CNGA4: variants seen among roughly 807,000 people sequenced by gnomAD.
CNGA4 encodes the protein cyclic nucleotide-gated channel alpha-4.
A neutral mutation model predicts 45.6 loss-of-function variants in CNGA4; 32 were observed. That is an observed-to-expected ratio of 0.70 (90% CI 0.53 to 0.94). The LOEUF is 0.94. CNGA4 is among the 40% of genes least tolerant of loss of function. CNGA4 has a pLI of 0.00. For missense variants in CNGA4, 726 were observed against 755.1 expected, an observed-to-expected ratio of 0.96 and a Z score of 0.45; for synonymous variants, 293 against 304.6, an observed-to-expected ratio of 0.96 and a Z score of 0.40.
At position 6,239,212 on chromosome 11, in the gene CNGA4, C is replaced by T; in HGVS notation, c.6C>T (p.Ser2=). 2 of 1,613,590 alleles carry T rather than the reference C, an allele frequency of 1.2e-6. No homozygotes were observed. Among genetic ancestry groups the T allele is most frequent in the Non-Finnish European group, 1.7e-6 (2 of 1,180,008 alleles). ...CAGCACCAGACCACAGAACCATGAGCCAGGACACCAAAGTGAAGACAACAG... is the reference window on the plus strand; with the variant it reads ...CAGCACCAGACCACAGAACCATGAGTCAGGACACCAAAGTGAAGACAACAG... M[S]QDTKVKTTES... Residue 2 remains serine (S), a synonymous_variant, in exon 1 of 6, where the codon AGC becomes AGT. Coordinates refer to ENST00000379936, the MANE Select transcript of CNGA4 (RefSeq NM_001037329.4).
rs1370916341 is a variant in CNGA4, at chr11:6,241,433, A to G, written c.920A>G (p.Tyr307Cys). Residue 307 changes from tyrosine (Y) to cysteine (C), a missense_variant and splice_region_variant, in exon 5 of 6, where the codon TAT (tyrosine) becomes TGT (cysteine). Tyr to Cys is a radical substitution (Grantham distance 194). Transcript: ENST00000379936. The part of the protein sequence containing the change: ...RKLERRVIDW[Y>C]QHLQINKKMT... ...AATGGCACTGTCCTTACTCTCAGGT[A>G]TCAGCACCTGCAGATCAACAAGAAG... The G allele has an allele frequency of 1.3e-6, 2 of 1,574,470 alleles. No individual in the cohort carries two copies. Among genetic ancestry groups the G allele is most frequent in the Admixed American group, 1.7e-5 (1 of 57,690 alleles).
At position 6,240,620 on chromosome 11, in the gene CNGA4, G is replaced by C; in HGVS notation, c.826G>C (p.Asp276His). The C allele has an allele frequency of 3.7e-6, 6 of 1,614,244 alleles. No individual in the cohort carries two copies. Among genetic ancestry groups the C allele is most frequent in the Non-Finnish European group, 5.1e-6 (6 of 1,180,056 alleles). The change falls in exon 4 of 6, where the codon GAT becomes CAT. Residue 276 changes from aspartate to histidine, a missense_variant. Coordinates refer to ENST00000379936, the MANE Select transcript of CNGA4 (RefSeq NM_001037329.4). This position sits in a 1 kb window ranked among gnomAD's most constrained non-coding sequence, Gnocchi z 4.9. ...SSVIYNMNTA[D>H]AAFYPDHALV... ...TGTCATCTACAACATGAACACTGCA[G>C]ATGCGGCTTTCTACCCAGATCATGC...
In CNGA4 at chr11:6,240,203, C is replaced by A; in HGVS notation, c.409C>A (p.Pro137Thr). The A allele has an allele frequency of 6.2e-7, 1 of 1,614,236 alleles. No homozygotes were observed. The highest frequency in any genetic ancestry group is 8.5e-7 in the Non-Finnish European group (1 of 1,180,048). Residue 137 changes from proline to threonine, a missense_variant, in exon 4 of 6, where the codon CCC becomes ACC. Pro to Thr is a conservative substitution (Grantham distance 38, BLOSUM62 -1). Coordinates refer to ENST00000379936, the MANE Select transcript of CNGA4 (RefSeq NM_001037329.4). This position sits in a 1 kb window ranked among gnomAD's most constrained non-coding sequence, Gnocchi z 4.9. ...CTACGTGCGGCTGGGCCCGCACACA[C>A]CCACCCTGAGGCTGAACCGCTTTCT... Reference protein sequence around the residue: ...VVYVRLGPHTPTLRLNRFLRA... With the variant: ...VVYVRLGPHTTTLRLNRFLRA...
chr11:6,242,355 C>T (rs1165420937), intron 5 of CNGA4, among the ~76,000 whole-genome samples: 1 of 152,066 alleles, frequency 6.6e-6, no homozygotes, highest in African/African-American at 2.4e-5. Context: ...CTGACCATCA[C>T]CTCTAGGCCA....
chr11:6,241,419 C>T lies in CNGA4; in HGVS notation c.918-12C>T, dbSNP rs752061904. Reference sequence around the variant, plus strand: ...AGGGCTGGTAAGGAAATGGCACTGTCCTTACTCTCAGGTATCAGCACCTGC... The same window carrying T: ...AGGGCTGGTAAGGAAATGGCACTGTTCTTACTCTCAGGTATCAGCACCTGC... On this transcript the variant is annotated splice_polypyrimidine_tract_variant and intron_variant, in intron 4 of 5. Coordinates refer to ENST00000379936, the MANE Select transcript of CNGA4 (RefSeq NM_001037329.4). 6.4e-7 allele frequency: 1 copy of T among 1,564,592 alleles called. No homozygotes were observed.
upstream of CNGA4, among the ~76,000 whole-genome samples, chr11:6,236,191 T>C (rs912855674): frequency 2.0e-5 from 3 of 152,146 alleles, no homozygotes; most frequent in Non-Finnish European, 4.4e-5. Context: ...ATGGACAGCA[T>C]GTGGGAGGTG....
At chr11:6,244,585 TACACACACACACACACACACACAC>T (rs59621297), downstream of CNGA4, among the ~76,000 whole-genome samples, 2 of 141,910 alleles carry the variant, frequency 1.4e-5, no homozygotes, top group Admixed American at 7.0e-5. The surrounding 1 kb of genome is among the most constrained non-coding windows in gnomAD (Gnocchi z 4.5). Flanking sequence ...CACTTACCAG[TACACACACACACACACACACACAC>T]ACACACACAC....
chr11:6,244,957 A>C (rs971957641), downstream of CNGA4, among the ~76,000 whole-genome samples: 3 of 152,228 alleles, frequency 2.0e-5, no homozygotes, highest in African/African-American at 4.8e-5. The surrounding 1 kb of genome is among the most constrained non-coding windows in gnomAD (Gnocchi z 4.5). Flanking sequence ...ACTTCAATAA[A>C]GTATTTGCCT....
Position 6,240,627 on chromosome 11 carries a change from C to T in CNGA4, c.833C>T (p.Ala278Val). 6.2e-7 allele frequency: 1 copy of T among 1,614,194 alleles called. No individual in the cohort carries two copies. Among genetic ancestry groups the T allele is most frequent in the Non-Finnish European group, 8.5e-7 (1 of 1,180,040 alleles). Reference sequence around the variant, plus strand: ...TACAACATGAACACTGCAGATGCGGCTTTCTACCCAGATCATGCACTGGTG... The same window carrying T: ...TACAACATGAACACTGCAGATGCGGTTTTCTACCCAGATCATGCACTGGTG... The part of the protein sequence containing the change: ...VIYNMNTADA[A>V]FYPDHALVKK... Residue 278 changes from alanine to valine, a missense_variant, in exon 4 of 6, where the codon GCT becomes GTT. Coordinates refer to ENST00000379936, the MANE Select transcript of CNGA4 (RefSeq NM_001037329.4). The surrounding 1 kb of genome is among the most constrained non-coding windows in gnomAD (Gnocchi z 4.9).
Position 6,240,002 on chromosome 11 carries a change from C to A in CNGA4, c.272-64C>A, listed in dbSNP as rs1847888118. The A allele has an allele frequency of 1.3e-6, 2 of 1,542,922 alleles. No individual in the cohort carries two copies. The highest frequency in any genetic ancestry group is 8.8e-7 in the Non-Finnish European group (1 of 1,140,594). On this transcript the variant is annotated intron_variant, in intron 3 of 5. Transcript: ENST00000379936. The surrounding 1 kb of genome is among the most constrained non-coding windows in gnomAD (Gnocchi z 4.9). ...GACAGTCTCCCTGGCCTGCCCTGGG[C>A]AGCTCATGCTCAGCCCAAGCTTGAC... is the stretch of plus-strand genomic sequence containing the variant.
intron 2 of CNGA4, 48 bp from the exon 3 acceptor site, chr11:6,239,636 C>T: frequency 6.3e-7 from 1 of 1,596,456 alleles, no homozygotes; most frequent in Non-Finnish European, 8.6e-7. Context: ...AGACGCCTCG[C>T]ACACAGAGGG....
chr11:6,235,750 C>A (rs573136503), upstream of CNGA4, among the ~76,000 whole-genome samples: 7 of 152,138 alleles, frequency 4.6e-5, no homozygotes, highest in South Asian at 1.2e-3. Context: ...ACCAGCCTGA[C>A]CAACATAGTG....
rs755904933 is a variant in CNGA4, at chr11:6,240,174, T to C, written c.380T>C (p.Val127Ala). Residue 127 changes from valine to alanine, a missense_variant, in exon 4 of 6, where the codon GTG becomes GCG. Transcript: ENST00000379936. This position sits in a 1 kb window ranked among gnomAD's most constrained non-coding sequence, Gnocchi z 4.9. Reference protein sequence around the residue: ...LDLASLMPTDVVYVRLGPHTP... With the variant: ...LDLASLMPTDAVYVRLGPHTP... ...CTGGCTTCCCTGATGCCCACAGATG[T>C]GGTCTACGTGCGGCTGGGCCCGCAC... 47 of 1,614,088 alleles carry C rather than the reference T, an allele frequency of 2.9e-5. No homozygotes were observed. In the Admixed American group the frequency reaches 5.2e-4, roughly 18 times the overall value.
upstream of CNGA4, chr11:6,238,945 G>A (rs1590649629): frequency 1.0e-6 from 1 of 957,288 alleles, no homozygotes; most frequent in African/African-American, 1.6e-5. Flanking sequence ...CTTCTCCAGG[G>A]ATCTCATTAG....
At chr11:6,242,314 A>G (rs1029743773) in intron 5 of CNGA4, among the ~76,000 whole-genome samples, 2 of 152,126 alleles carry the variant, frequency 1.3e-5, no homozygotes, top group Non-Finnish European at 2.9e-5. Context: ...AAGTGGAAAG[A>G]GAAAGGTAGA....
intron 5 of CNGA4, 26 bp downstream of exon 5, chr11:6,241,806 G>T (rs1303695480): frequency 6.2e-7 from 1 of 1,602,900 alleles, no homozygotes; most frequent in Non-Finnish European, 8.5e-7. Flanking sequence ...TTTGTTCCAG[G>T]GACAAGGATG....
In CNGA4 at chr11:6,240,317, T is replaced by C; in HGVS notation, c.523T>C (p.Tyr175His). The C allele has an allele frequency of 6.2e-7, 1 of 1,614,208 alleles. No individual in the cohort carries two copies. Among genetic ancestry groups the C allele is most frequent in the East Asian group, 2.2e-5 (1 of 44,874 alleles). The change falls in exon 4 of 6, where the codon TAC becomes CAC. Residue 175 changes from tyrosine (Y) to histidine (H), a missense_variant. Physicochemically the swap from Tyr to His is moderately conservative, Grantham distance 83. Coordinates refer to ENST00000379936, the MANE Select transcript of CNGA4 (RefSeq NM_001037329.4). The surrounding 1 kb of genome is among the most constrained non-coding windows in gnomAD (Gnocchi z 4.9). ...NAFRIAKLML[Y>H]IFVVIHWNSC... is the part of the protein sequence containing the mutation. The stretch of plus-strand genomic sequence containing the variant: ...CTTTCGCATTGCCAAGCTGATGCTT[T>C]ACATTTTTGTCGTCATCCATTGGAA...
upstream of CNGA4, among the ~76,000 whole-genome samples, chr11:6,238,289 T>C (rs1847863097): frequency 6.6e-6 from 1 of 152,218 alleles, no homozygotes; most frequent in Non-Finnish European, 1.5e-5. Context: ...CGTGTCTTAT[T>C]CATCTCCAAT....
Position 6,240,235 on chromosome 11 carries a change from G to T in CNGA4, c.441G>T (p.Ala147=). The T allele has an allele frequency of 6.2e-7, 1 of 1,614,200 alleles. No homozygotes were observed. The highest frequency in any genetic ancestry group is 2.2e-5 in the East Asian group (1 of 44,878). Residue 147 remains alanine, a synonymous_variant, in exon 4 of 6, where the codon GCG becomes GCT. Transcript: ENST00000379936. The surrounding 1 kb of genome is among the most constrained non-coding windows in gnomAD (Gnocchi z 4.9). ...PTLRLNRFLR[A]PRLFEAFDRT... is the part of the protein sequence containing the mutation. ...TGAGGCTGAACCGCTTTCTCCGCGC[G>T]CCCCGCCTCTTCGAGGCCTTCGACC...
Sources: allele counts gnomAD v4.1 joint callset (sites outside exome capture counted in the v4.1 genomes callset), GRCh38; gene constraint gnomAD v4.1.1; non-coding constraint Gnocchi (gnomAD v3.1); transcripts MANE v1.5; gene names NCBI Gene and HGNC (gene_info 2026-07-23, HGNC 2026-07-21).